Variants in LAMA2 observed in about 807,000 individuals in gnomAD.
LAMA2 encodes the protein laminin subunit alpha-2.
In LAMA2, 269 loss-of-function variants were observed where a neutral mutation model predicts 364.8. That is an observed-to-expected ratio of 0.74 (90% CI 0.67 to 0.82). The LOEUF is 0.82. Among genes scored for constraint, LAMA2 ranks in the 40% least tolerant of loss-of-function variants. The pLI, the probability that LAMA2 is intolerant of heterozygous loss-of-function variation, is 0.00. For synonymous variants in LAMA2, 1,379 were observed against 1,370.6 expected (o/e 1.01, Z -0.14); for missense variants, 3,807 against 3,873.2 (o/e 0.98, Z 0.45).
chr6:129,251,066 CTCTCTCTCTCTATA>C (rs1259635606), intron 13 of LAMA2, among the ~76,000 whole-genome samples: 18 of 68,130 alleles, frequency 2.6e-4, no homozygotes, highest in South Asian at 9.9e-4. Context: ...CTCTCTCTCT[CTCTCTCTCTCTATA>C]TATATATATA....
At chr6:128,921,629 G>C (rs1778718649) in intron 1 of LAMA2, among the ~76,000 whole-genome samples, 1 of 151,590 alleles carries the variant, frequency 6.6e-6, no homozygotes, top group African/African-American at 2.4e-5. Flanking sequence ...ACTGTGTCTA[G>C]AAGGAACCAA....
At chr6:129,122,291 T>G (rs987958925) in intron 4 of LAMA2, among the ~76,000 whole-genome samples, 9 of 152,210 alleles carry the variant, frequency 5.9e-5, no homozygotes, top group Non-Finnish European at 1.0e-4. Context: ...AACTTATTCC[T>G]TGTATACCAA....
intron 12 of LAMA2, among the ~76,000 whole-genome samples, chr6:129,228,306 G>A (rs1040030661): frequency 6.6e-6 from 1 of 151,998 alleles, no homozygotes; most frequent in Non-Finnish European, 1.5e-5. Flanking sequence ...GCCCTGCTTT[G>A]GCTGACACTT....
chr6:129,454,343 T>G (rs775783434), intron 47 of LAMA2, 55 bp downstream of exon 47: 192 of 1,444,440 alleles, frequency 1.3e-4, no homozygotes, highest in Non-Finnish European at 1.8e-4. Flanking sequence ...TGAAGTAGTT[T>G]CCCAGTTTAT....
chr6:129,051,023 G>T (rs1051352646), intron 2 of LAMA2, among the ~76,000 whole-genome samples: 4 of 151,980 alleles, frequency 2.6e-5, no homozygotes, highest in African/African-American at 9.7e-5. Context: ...AGAGGCAAAA[G>T]AAAAGTAAAT....
rs141393851 is a variant in LAMA2, at chr6:129,135,284, T to G, written c.640-8617T>G. Among the ~76,000 whole-genome samples the G allele has an allele frequency of 7.9e-5, 12 of 152,280 alleles. 1 individual carries two copies. Reference sequence around the variant, plus strand: ...TAGAATGAAGGGAAGGTACATGGAATAGACTCTCACTAGTGGTGAGCTTTC... The same window carrying G: ...TAGAATGAAGGGAAGGTACATGGAAGAGACTCTCACTAGTGGTGAGCTTTC... On this transcript the variant is annotated intron_variant, in intron 4 of 64. Transcript: ENST00000421865.
In LAMA2 at chr6:129,300,753, C is replaced by A; in HGVS notation, c.3055C>A (p.Leu1019Met). The A allele has an allele frequency of 1.9e-6, 3 of 1,613,748 alleles. No individual in the cohort carries two copies. In the East Asian group the frequency reaches 6.7e-5, roughly 36 times the overall value. Reference protein sequence around the residue: ...GGCTACECSHLGNNCDPKTGR... With the variant: ...GGCTACECSHMGNNCDPKTGR... ...CGGTGAAGCTTGTGAATGTTCTCATCTGGGTAATAATTGTGACCCAAAGAC... is the reference window on the plus strand; with the variant it reads ...CGGTGAAGCTTGTGAATGTTCTCATATGGGTAATAATTGTGACCCAAAGAC... The change falls in exon 22 of 65, where the codon CTG becomes ATG. Residue 1019 changes from leucine to methionine, a missense_variant. Coordinates refer to ENST00000421865, the MANE Select transcript of LAMA2 (RefSeq NM_000426.4).
At chr6:129,020,102 G>GAAAAAAAAAAAAAAAAAAAAAAAAAAAAA in intron 1 of LAMA2, among the ~76,000 whole-genome samples, 1 of 134,216 alleles carries the variant, frequency 7.5e-6, no homozygotes, top group African/African-American at 2.9e-5. Flanking sequence ...GAAAAAAAAA[G>GAAAAAAAAAAAAAAAAAAAAAAAAAAAAA]AAAAAAAAAA....
intron 1 of LAMA2, among the ~76,000 whole-genome samples, chr6:128,998,424 C>T (rs1228752783): frequency 7.8e-6 from 1 of 128,788 alleles, no homozygotes; most frequent in African/African-American, 3.7e-5. Context: ...AACAGCTCCG[C>T]TCTACAGCTC....
chr6:129,069,884 T>C (rs1285231510), intron 3 of LAMA2, among the ~76,000 whole-genome samples: 3 of 150,274 alleles, frequency 2.0e-5, no homozygotes, highest in South Asian at 4.2e-4. Flanking sequence ...TAGCTATATG[T>C]ATTTATATGT....
intron 1 of LAMA2, among the ~76,000 whole-genome samples, chr6:128,973,004 A>T (rs1782284390): frequency 6.6e-6 from 1 of 152,162 alleles, no homozygotes; most frequent in South Asian, 2.1e-4. Context: ...ACTATGACAG[A>T]GTTGAAAATG....
chr6:129,152,893 T>TA lies in LAMA2; in HGVS notation c.1028-1607dup, dbSNP rs568620493. ...AAAGGGCTCCATGATTTACTGTTAG[T>TA]AAAAAGAACCGGTTCTAAACAGTAT... On this transcript the variant is annotated intron_variant, in intron 7 of 64. Transcript: ENST00000421865. Among the ~76,000 whole-genome samples the TA allele has an allele frequency of 1.1e-3, 168 of 152,188 alleles. 1 individual carries two copies. The highest frequency in any genetic ancestry group is 3.8e-3 in the African/African-American group (159 of 41,528).
chr6:129,158,415 A>G, intron 8 of LAMA2: 1 of 1,613,964 alleles, frequency 6.2e-7, no homozygotes, highest in Non-Finnish European at 8.5e-7. Flanking sequence ...TTGCCGGACC[A>G]TCTGAATCTG....
intron 3 of LAMA2, among the ~76,000 whole-genome samples, chr6:129,064,006 A>T: frequency 6.6e-6 from 1 of 152,150 alleles, no homozygotes; most frequent in East Asian, 1.9e-4. Flanking sequence ...TAAACATATT[A>T]AAGGTGATCC....
chr6:129,158,253 C>T lies in LAMA2; in HGVS notation c.1206+3570C>T. ...ACCTTTAATATCTGCCGCTATGAAA[C>T]CAAGTATGTTTTCATGGCGCATTAG... On this transcript the variant is annotated intron_variant, in intron 8 of 64. Coordinates refer to ENST00000421865, the MANE Select transcript of LAMA2 (RefSeq NM_000426.4). 20 of 1,613,916 alleles carry T rather than the reference C, an allele frequency of 1.2e-5. No homozygotes were observed. In the South Asian group the frequency reaches 2.1e-4, roughly 17 times the overall value.
rs556587910 is a variant in LAMA2, at chr6:129,388,157, T to G, written c.5072-3334T>G. On this transcript the variant is annotated intron_variant, in intron 35 of 64. Transcript: ENST00000421865. ...CTATAATTCCAGCTACTCGGGAGGC[T>G]GAGACAGTAGAATCGCTTGAACCCA... Among the ~76,000 whole-genome samples, 21 of 151,590 alleles carry G rather than the reference T, an allele frequency of 1.4e-4. No individual in the cohort carries two copies. In the East Asian group the frequency reaches 3.7e-3, roughly 27 times the overall value.
chr6:129,478,273 AG>A (rs1784178223), intron 53 of LAMA2, among the ~76,000 whole-genome samples: 1 of 87,578 alleles, frequency 1.1e-5, no homozygotes, highest in Non-Finnish European at 3.0e-5. Flanking sequence ...AAACGTTTTC[AG>A]ATTTTTTTTT....
At position 128,886,295 on chromosome 6, in the gene LAMA2, TAA is replaced by T. The variant is rs556222445; in HGVS notation, c.112+2948_112+2949del. Among the ~76,000 whole-genome samples the T allele has an allele frequency of 3.1e-3, 460 of 146,722 alleles. 1 individual carries two copies. The highest frequency in any genetic ancestry group is 0.011 in the African/African-American group (434 of 40,608). On this transcript the variant is annotated intron_variant, in intron 1 of 64. Transcript: ENST00000421865. ...GCTTTTATTATTCATATCCACATGT[TAA>T]AAAAAAAAAGTCCATTTGTGCTCTT...
intron 3 of LAMA2, among the ~76,000 whole-genome samples, chr6:129,096,786 T>C (rs1775215090): frequency 6.6e-6 from 1 of 152,210 alleles, no homozygotes; most frequent in Non-Finnish European, 1.5e-5. Flanking sequence ...ATACTAACCC[T>C]ACTTTGACTC....
Sources: gnomAD v4.1 joint callset for allele counts (sites outside exome capture counted in the v4.1 genomes callset) on GRCh38, gnomAD v4.1.1 for gene constraint, MANE v1.5 for transcripts, NCBI Gene and HGNC (gene_info 2026-07-23, HGNC 2026-07-21) for gene names.